The following MYLK variants were observed in gnomAD, a reference collection of about 807,000 sequenced individuals.
The protein encoded by MYLK is myosin light chain kinase.
MYLK carries 106 observed loss-of-function variants against 203.4 expected under a neutral mutation model. The observed-to-expected ratio is 0.52, with a 90% CI of 0.45 to 0.61. The LOEUF is 0.61. Among genes scored for constraint, MYLK ranks in the 20% least tolerant of loss-of-function variants. MYLK has a pLI of 0.00. For synonymous variants in MYLK, 867 were observed against 959.5 expected (o/e 0.90, Z 1.78); for missense variants, 2,072 against 2,442.3 (o/e 0.85, Z 3.20).
chr3:123,656,403 T>A (rs2059390115), intron 24 of MYLK, among the ~76,000 whole-genome samples: 1 of 152,200 alleles, frequency 6.6e-6, no homozygotes, highest in Non-Finnish European at 1.5e-5. Flanking sequence ...GCCCTTTTAG[T>A]CTTACTTCCT....
intron 3 of MYLK, among the ~76,000 whole-genome samples, chr3:123,814,592 T>C (rs2065678665): frequency 6.6e-6 from 1 of 152,226 alleles, no homozygotes; most frequent in African/African-American, 2.4e-5. Context: ...AAATTATATA[T>C]ACAAATTATC....
intron 4 of MYLK, among the ~76,000 whole-genome samples, chr3:123,790,652 T>C (rs115595523): frequency 0.019 from 2,910 of 152,174 alleles, 107 homozygotes; most frequent in African/African-American, 0.067. Flanking sequence ...TGGGGCAGAG[T>C]AGGCAACAGT....
Position 123,793,948 on chromosome 3 carries a change from G to A in MYLK, c.-3-104C>T, listed in dbSNP as rs1222432412. ...CAGTCTGGAGGTGTGGCTTTTACGT[G>A]GAGCAGATCCCCAGTTAGGTCAGTG... On this transcript the variant is annotated intron_variant, in intron 3 of 33. Coordinates refer to ENST00000360304, the MANE Select transcript of MYLK (RefSeq NM_053025.4). The A allele has an allele frequency of 4.7e-6, 6 of 1,287,578 alleles. No homozygotes were observed. The East Asian group carries it at 1.4e-4, about 30-fold the overall frequency. The allele number at this position is 1,287,578 out of a possible 1,614,324, so 79.8% of individuals were successfully genotyped here. A position where few individuals can be genotyped will look rare whatever the true frequency, so the allele number is the denominator to read the frequency against.
chr3:123,734,530 G>A, intron 9 of MYLK: 1 of 309,220 alleles, frequency 3.2e-6, no homozygotes, highest in Non-Finnish European at 5.9e-6. Flanking sequence ...TGTCCACTCT[G>A]CCCTCTCTAA....
At chr3:123,706,559 C>T (rs1327202629) in intron 16 of MYLK, among the ~76,000 whole-genome samples, 1 of 152,198 alleles carries the variant, frequency 6.6e-6, no homozygotes, top group Non-Finnish European at 1.5e-5. Context: ...TCGATGCTTA[C>T]ACCAACCCCA....
At chr3:123,677,137 A>C (rs2060096775) in intron 20 of MYLK, among the ~76,000 whole-genome samples, 1 of 152,126 alleles carries the variant, frequency 6.6e-6, no homozygotes, top group African/African-American at 2.4e-5. Flanking sequence ...GACCTAAACT[A>C]TACTTGCTGT....
intron 5 of MYLK, among the ~76,000 whole-genome samples, chr3:123,745,610 T>C (rs767846784): frequency 1.3e-5 from 2 of 152,144 alleles, no homozygotes; most frequent in African/African-American, 2.4e-5. Context: ...TTATATATAC[T>C]AGGAACGGAA....
chr3:123,666,803 G>A (rs2059749871), intron 21 of MYLK: 2 of 547,268 alleles, frequency 3.7e-6, no homozygotes, highest in Non-Finnish European at 6.5e-6. Flanking sequence ...AGCCCCAAGA[G>A]GGTCATGTAC....
At chr3:123,864,454 A>G (rs1031095049) in intron 2 of MYLK, among the ~76,000 whole-genome samples, 5 of 152,258 alleles carry the variant, frequency 3.3e-5, no homozygotes, top group East Asian at 1.9e-4. Flanking sequence ...ACTTAAACAT[A>G]TCACAAAAAC....
At chr3:123,776,522 A>G (rs2064084437) in intron 4 of MYLK, among the ~76,000 whole-genome samples, 1 of 152,238 alleles carries the variant, frequency 6.6e-6, no homozygotes, top group Admixed American at 6.5e-5. Context: ...AACGTTGGAA[A>G]CCATCAAGAT....
chr3:123,878,274 A>C (rs1329555086), intron 1 of MYLK, among the ~76,000 whole-genome samples: 2 of 152,180 alleles, frequency 1.3e-5, no homozygotes, highest in Non-Finnish European at 2.9e-5. Flanking sequence ...TTCTCTGTCC[A>C]TTTAAAGGTG....
In MYLK at chr3:123,780,791, A is replaced by G. The variant is rs1423238332; in HGVS notation, c.165+12886T>C. On this transcript the variant is annotated intron_variant, in intron 4 of 33. Coordinates refer to ENST00000360304, the MANE Select transcript of MYLK (RefSeq NM_053025.4). The stretch of plus-strand genomic sequence containing the variant: ...CCTAACCAAGTCTGACTGAATATCT[A>G]CCACGGGCCGGGCACTGTCCTAGGT... 2.6e-5 allele frequency among the ~76,000 whole-genome samples: 4 copies of G among 152,210 alleles called. No homozygotes were observed. The East Asian group carries it at 7.7e-4, about 29-fold the overall frequency.
chr3:123,806,228 C>T (rs4677906), intron 3 of MYLK, among the ~76,000 whole-genome samples: 2,336 of 152,200 alleles, frequency 0.015, 32 homozygotes, highest in Middle Eastern at 0.027. Context: ...AGAATGTCAG[C>T]GATGAAAGAG....
intron 2 of MYLK, among the ~76,000 whole-genome samples, chr3:123,846,880 T>C (rs1284437006): frequency 2.6e-5 from 4 of 152,136 alleles, no homozygotes; most frequent in Non-Finnish European, 5.9e-5. Context: ...TGGCTTTTGT[T>C]ACTGCTGAAA....
chr3:123,766,482 G>A (rs1007705046), intron 4 of MYLK, among the ~76,000 whole-genome samples: 4 of 152,260 alleles, frequency 2.6e-5, no homozygotes, highest in African/African-American at 4.8e-5. Flanking sequence ...CAAGAAGGGA[G>A]GACCACCTCT....
At chr3:123,858,341 C>T (rs150019568) in intron 2 of MYLK, among the ~76,000 whole-genome samples, 1 of 152,166 alleles carries the variant, frequency 6.6e-6, no homozygotes, top group Admixed American at 6.5e-5. Context: ...TTCACCCATT[C>T]CCTTTGTCTC....
rs144219074 is a variant in MYLK, at chr3:123,670,564, G to A, written c.3653-3377C>T. 2.1e-3 allele frequency among the ~76,000 whole-genome samples: 313 copies of A among 152,142 alleles called. 1 individual carries two copies. The highest frequency in any genetic ancestry group is 3.4e-3 in the Non-Finnish European group (234 of 67,996). On this transcript the variant is annotated intron_variant, in intron 20 of 33. Transcript: ENST00000360304. ...GAGGCCAGGAGTTCGAGACTAACCT[G>A]GGCAACACGGCAAGACCCTGTCTCT...
intron 20 of MYLK, among the ~76,000 whole-genome samples, chr3:123,667,819 C>T (rs1157535567): frequency 6.6e-6 from 1 of 152,158 alleles, no homozygotes; most frequent in Non-Finnish European, 1.5e-5. Flanking sequence ...ATTAACCACT[C>T]TCTCACCCTA....
chr3:123,825,735 T>G (rs1193611596), intron 3 of MYLK, among the ~76,000 whole-genome samples: 1 of 152,188 alleles, frequency 6.6e-6, no homozygotes, highest in Non-Finnish European at 1.5e-5. Context: ...CTTATGTGGG[T>G]GGCTGTAGCC....
Sources: allele counts gnomAD v4.1 joint callset (sites outside exome capture counted in the v4.1 genomes callset), GRCh38; gene constraint gnomAD v4.1.1; transcripts MANE v1.5; gene names NCBI Gene and HGNC (gene_info 2026-07-23, HGNC 2026-07-21).